Variants in PIEZO2 observed in about 807,000 individuals in gnomAD.
The protein encoded by PIEZO2 is piezo type mechanosensitive ion channel component 2.
PIEZO2 carries 172 observed loss-of-function variants against 337.3 expected under a neutral mutation model. The observed-to-expected ratio is 0.51, with a 90% confidence interval of 0.45 to 0.58. The LOEUF (loss-of-function observed/expected upper bound fraction) is 0.58. Ranked by LOEUF, PIEZO2 falls within the 20% of genes least tolerant of loss-of-function variation. The pLI, the probability that PIEZO2 is intolerant of heterozygous loss-of-function variation, is 0.00. For missense variants in PIEZO2, 3,028 were observed against 3,391.3 expected, an observed-to-expected ratio of 0.89 and a Z score of 2.66; for synonymous variants, 1,251 against 1,228.5, an observed-to-expected ratio of 1.02 and a Z score of -0.38.
At chr18:10,769,916 A>G in intron 21 of PIEZO2, 1 of 436,564 alleles carries the variant, frequency 2.3e-6, no homozygotes, top group Non-Finnish European at 4.0e-6. Flanking sequence ...CGATGAAAAT[A>G]AGTAGCCTTT....
intron 4 of PIEZO2, among the ~76,000 whole-genome samples, chr18:10,875,542 G>A (rs1201300199): frequency 6.6e-6 from 1 of 152,166 alleles, no homozygotes; most frequent in Non-Finnish European, 1.5e-5. Flanking sequence ...TACTACTCAG[G>A]TGGATTTTTG....
rs2039461638 is a variant in PIEZO2 at position 11,102,973 on chromosome 18, G to T, written c.65-36751C>A. On this transcript the variant is annotated intron_variant, in intron 1 of 55. Transcript: ENST00000674853. This position sits in a 1 kb window ranked among gnomAD's most constrained non-coding sequence, Gnocchi z 5.7. ...CTCTCACTGGTCTTCTGTGGGTCAG[G>T]TGTCTCCCCTGAACCAATCACTCTT... Among the ~76,000 whole-genome samples, 1 of 152,122 alleles carries T rather than the reference G, an allele frequency of 6.6e-6. No individual in the cohort carries two copies.
chr18:10,871,282 T>A lies in PIEZO2; in HGVS notation c.463A>T (p.Ser155Cys), dbSNP rs1001558334. The A allele has an allele frequency of 8.6e-5, 132 of 1,536,980 alleles. No homozygotes were observed. The highest frequency in any genetic ancestry group is 1.1e-4 in the Non-Finnish European group (129 of 1,146,830). Reference protein sequence around the residue: ...QKPVTDEAAQSNPEFENEELA... With the variant: ...QKPVTDEAAQCNPEFENEELA... ...TCTTCATTTTCAAACTCCGGGTTAC[T>A]CTGTGCTGCTTCGTCTGTCACAGGT... The change falls in exon 5 of 56, where the codon AGT (serine) becomes TGT (cysteine). Residue 155 changes from serine (S) to cysteine (C), a missense_variant. By Grantham distance (112) the Ser-to-Cys change is moderately radical. Around this residue, in one of 5 missense-constraint regions of PIEZO2, gnomAD observed 542 missense variants for 605.6 expected, o/e 0.89. Coordinates refer to ENST00000674853, the MANE Select transcript of PIEZO2 (RefSeq NM_001378183.1).
At position 10,773,347 on chromosome 18, in the gene PIEZO2, A is replaced by G; in HGVS notation, c.2785+65T>C. 1 of 1,451,938 alleles carries G rather than the reference A, an allele frequency of 6.9e-7. No individual in the cohort carries two copies. Among genetic ancestry groups the G allele is most frequent in the South Asian group, 1.2e-5 (1 of 82,144 alleles). 89.9% of individuals were successfully genotyped at this position (1,451,938 alleles called of 1,614,324 possible). A position where few individuals can be genotyped will look rare whatever the true frequency, so the allele number is the denominator to read the frequency against. Reference sequence around the variant, plus strand: ...ATATATATTCTTTTGGAGCAAGTCAATGTTTCCTTCACTCAGTCTGACAGC... The same window carrying G: ...ATATATATTCTTTTGGAGCAAGTCAGTGTTTCCTTCACTCAGTCTGACAGC... On this transcript the variant is annotated intron_variant, in intron 20 of 55. Coordinates refer to ENST00000674853, the MANE Select transcript of PIEZO2 (RefSeq NM_001378183.1). This position sits in a 1 kb window ranked among gnomAD's most constrained non-coding sequence, Gnocchi z 5.3.
intron 36 of PIEZO2, among the ~76,000 whole-genome samples, chr18:10,729,623 CAAAAA>C (rs374976832): frequency 8.0e-6 from 1 of 124,724 alleles, no homozygotes; most frequent in South Asian, 2.7e-4. Context: ...GACTCTGTCT[CAAAAA>C]AAAAAAAAAA....
intron 2 of PIEZO2, among the ~76,000 whole-genome samples, chr18:10,987,692 T>C (rs2034932791): frequency 6.6e-6 from 1 of 151,754 alleles, no homozygotes. Flanking sequence ...CAAAAATAAG[T>C]GTAATTACAT....
Position 10,671,698 on chromosome 18 carries a change from G to A in PIEZO2, c.8427C>T (p.Ile2809=), listed in dbSNP as rs1193575641. 1 of 1,613,850 alleles carries A rather than the reference G, an allele frequency of 6.2e-7. No individual in the cohort carries two copies. The highest frequency in any genetic ancestry group is 1.3e-5 in the African/African-American group (1 of 74,906). The change falls in exon 56 of 56, where the codon ATC becomes ATT. Residue 2809 remains isoleucine, a synonymous_variant. Transcript: ENST00000674853. ...REFFSGISHS[I]MFEELPNVDR... ...CCACATTTGGAAGCTCTTCAAACATGATGGAGTGAGAAATCCCACTGAAGA... is the reference window on the plus strand; with the variant it reads ...CCACATTTGGAAGCTCTTCAAACATAATGGAGTGAGAAATCCCACTGAAGA...
Position 11,092,962 on chromosome 18 carries a change from C to T in PIEZO2, c.65-26740G>A, listed in dbSNP as rs925671728. On this transcript the variant is annotated intron_variant, in intron 1 of 55. Transcript: ENST00000674853. This position sits in a 1 kb window ranked among gnomAD's most constrained non-coding sequence, Gnocchi z 4.5. ...TTTTAAATCAAACCATTCTCACTTA[C>T]CCCAAAGCCTAACGAGCCCAAGAGC... Among the ~76,000 whole-genome samples, 3 of 152,148 alleles carry T rather than the reference C, an allele frequency of 2.0e-5. No individual in the cohort carries two copies. The highest frequency in any genetic ancestry group is 2.9e-5 in the Non-Finnish European group (2 of 68,034).
rs1446503701 is a variant in PIEZO2, at chr18:10,942,391, T to C, written c.287-31163A>G. ...ATGATATGAGCAATGAAATCCAGGCTGAGGTGGTCTCAGATGTAGATGAGG... is the reference window on the plus strand; with the variant it reads ...ATGATATGAGCAATGAAATCCAGGCCGAGGTGGTCTCAGATGTAGATGAGG... On this transcript the variant is annotated intron_variant, in intron 3 of 55. Coordinates refer to ENST00000674853, the MANE Select transcript of PIEZO2 (RefSeq NM_001378183.1). The surrounding 1 kb of genome is among the most constrained non-coding windows in gnomAD (Gnocchi z 4.4). Among the ~76,000 whole-genome samples, 3 of 152,182 alleles carry C rather than the reference T, an allele frequency of 2.0e-5. No homozygotes were observed. The highest frequency in any genetic ancestry group is 7.2e-5 in the African/African-American group (3 of 41,442).
At position 10,943,566 on chromosome 18, in the gene PIEZO2, A is replaced by T. The variant is rs2032837548; in HGVS notation, c.287-32338T>A. Reference sequence around the variant, plus strand: ...CCCAATGCCTTTACCCCCATTGTATACAGGAAGTAACTAACTTGCTTTTGA... The same window carrying T: ...CCCAATGCCTTTACCCCCATTGTATTCAGGAAGTAACTAACTTGCTTTTGA... On this transcript the variant is annotated intron_variant, in intron 3 of 55. Coordinates refer to ENST00000674853, the MANE Select transcript of PIEZO2 (RefSeq NM_001378183.1). The surrounding 1 kb of genome is among the most constrained non-coding windows in gnomAD (Gnocchi z 4.5). Among the ~76,000 whole-genome samples the T allele has an allele frequency of 6.6e-6, 1 of 152,224 alleles. No individual in the cohort carries two copies. The highest frequency in any genetic ancestry group is 1.5e-5 in the Non-Finnish European group (1 of 68,036).
rs1013390840 is a variant in PIEZO2 at position 10,877,399 on chromosome 18, C to T, written c.330-5984G>A. Among the ~76,000 whole-genome samples the T allele has an allele frequency of 6.6e-6, 1 of 152,228 alleles. No homozygotes were observed. The highest frequency in any genetic ancestry group is 6.5e-5 in the Admixed American group (1 of 15,286). On this transcript the variant is annotated intron_variant, in intron 4 of 55. Transcript: ENST00000674853. This position sits in a 1 kb window ranked among gnomAD's most constrained non-coding sequence, Gnocchi z 5.3. The stretch of plus-strand genomic sequence containing the variant: ...GCAAATAATGTAATGCCCAGTCCAA[C>T]TCGTCCGCTGAGAAACATTAGCATA...
In PIEZO2 at chr18:10,875,027, T is replaced by C. The variant is rs146322098; in HGVS notation, c.330-3612A>G. On this transcript the variant is annotated intron_variant, in intron 4 of 55. Coordinates refer to ENST00000674853, the MANE Select transcript of PIEZO2 (RefSeq NM_001378183.1). ...GTGATGGATACCCCAATTACCCTGA[T>C]TTGATCACTTTATATTGTATGAATG... Among the ~76,000 whole-genome samples the C allele has an allele frequency of 1.2e-3, 189 of 152,290 alleles. 1 individual carries two copies. Among genetic ancestry groups the C allele is most frequent in the Middle Eastern group, 6.8e-3 (2 of 294 alleles).
intron 27 of PIEZO2, among the ~76,000 whole-genome samples, chr18:10,756,452 T>C (rs910894941): frequency 1.5e-5 from 2 of 130,954 alleles, no homozygotes; most frequent in Non-Finnish European, 3.2e-5. Context: ...GGGGTGGTGA[T>C]GAAGAAAAGC....
intron 2 of PIEZO2, among the ~76,000 whole-genome samples, chr18:11,050,551 ACACACACG>A (rs766574691): frequency 2.2e-5 from 3 of 139,190 alleles, no homozygotes; most frequent in Non-Finnish European, 3.2e-5. Context: ...ACACACACAC[ACACACACG>A]ATTACTTACA....
At chr18:10,902,428 G>A (rs766166233) in intron 4 of PIEZO2, among the ~76,000 whole-genome samples, 6 of 152,212 alleles carry the variant, frequency 3.9e-5, no homozygotes, top group East Asian at 3.9e-4. Flanking sequence ...ATCCAAAACC[G>A]GGCTTTTAAA....
At chr18:10,983,701 T>A (rs2034759167) in intron 2 of PIEZO2, among the ~76,000 whole-genome samples, 1 of 151,820 alleles carries the variant, frequency 6.6e-6, no homozygotes, top group Non-Finnish European at 1.5e-5. Context: ...AACCAACTGA[T>A]GAACTTCCCC....
In PIEZO2 at chr18:10,876,135, TC is replaced by T. The variant is rs1220101572; in HGVS notation, c.330-4721del. Among the ~76,000 whole-genome samples, 15 of 152,356 alleles carry T rather than the reference TC, an allele frequency of 9.8e-5. No individual in the cohort carries two copies. The East Asian group carries it at 2.9e-3, about 29-fold the overall frequency. On this transcript the variant is annotated intron_variant, in intron 4 of 55. Transcript: ENST00000674853. ...GACCATCTTATCAATTGTGTTTCCT[TC>T]TTCAGTGCTTACTAAAGTACGTTCA... is the stretch of plus-strand genomic sequence containing the variant.
In PIEZO2 at chr18:10,707,906, C is replaced by T. The variant is rs569890039; in HGVS notation, c.5588+369G>A. ...TTACATCAAGAGAAGAAGTTTTCTACCTTTGCAAACAGAGTTCCCCCTTTG... is the reference window on the plus strand; with the variant it reads ...TTACATCAAGAGAAGAAGTTTTCTATCTTTGCAAACAGAGTTCCCCCTTTG... On this transcript the variant is annotated intron_variant, in intron 40 of 55. Coordinates refer to ENST00000674853, the MANE Select transcript of PIEZO2 (RefSeq NM_001378183.1). The surrounding 1 kb of genome is among the most constrained non-coding windows in gnomAD (Gnocchi z 4.2). Among the ~76,000 whole-genome samples the T allele has an allele frequency of 6.2e-4, 94 of 152,214 alleles. No individual in the cohort carries two copies. The highest frequency in any genetic ancestry group is 2.2e-3 in the African/African-American group (90 of 41,530).
chr18:11,064,611 C>T (rs992732725), intron 2 of PIEZO2, among the ~76,000 whole-genome samples: 2 of 152,210 alleles, frequency 1.3e-5, no homozygotes, highest in Non-Finnish European at 2.9e-5. Context: ...AAACCATCAA[C>T]TGTTTGTCAC....
Sources: gnomAD v4.1 joint callset for allele counts (sites outside exome capture counted in the v4.1 genomes callset) on GRCh38, gnomAD v4.1.1 for gene constraint, gnomAD v4.1.1 regional missense constraint, Gnocchi (gnomAD v3.1) non-coding constraint, MANE v1.5 for transcripts, NCBI Gene and HGNC (gene_info 2026-07-23, HGNC 2026-07-21) for gene names.